The following RBFOX1 variants were observed in gnomAD, a reference collection of about 807,000 sequenced individuals.
RBFOX1 encodes the protein RNA binding fox-1 homolog 1.
In RBFOX1, 8 loss-of-function variants were observed where a neutral mutation model predicts 57.7. That is an observed-to-expected ratio of 0.14 (90% CI 0.08 to 0.25). RBFOX1 has a LOEUF of 0.25. Ranked by LOEUF, RBFOX1 falls within the 10% of genes least tolerant of loss-of-function variation. RBFOX1 has a pLI of 1.00. For missense variants in RBFOX1, 611 were observed against 548.5 expected (o/e 1.11, Z -1.14); for synonymous variants, 326 against 222.4 (o/e 1.47, Z -4.15).
intron 1 of RBFOX1, among the ~76,000 whole-genome samples, chr16:5,268,741 C>T (rs2062926061): frequency 6.6e-6 from 1 of 152,160 alleles, no homozygotes; most frequent in Admixed American, 6.6e-5. Context: ...TTAAAAGAGC[C>T]CAAGTTGGGC....
intron 3 of RBFOX1, among the ~76,000 whole-genome samples, chr16:6,735,461 G>A (rs1358359462): frequency 1.3e-5 from 2 of 152,128 alleles, no homozygotes; most frequent in African/African-American, 2.4e-5. Context: ...AGTGCCTGTC[G>A]GAGACTAAAT....
At chr16:5,789,090 C>T (rs1222781840) in intron 3 of RBFOX1, among the ~76,000 whole-genome samples, 1 of 152,146 alleles carries the variant, frequency 6.6e-6, no homozygotes, top group East Asian at 1.9e-4. Flanking sequence ...CCTCTCTCTC[C>T]CTCTTCCTCT....
At chr16:6,012,982 C>T (rs1313533722) in intron 4 of RBFOX1, among the ~76,000 whole-genome samples, 2 of 152,142 alleles carry the variant, frequency 1.3e-5, no homozygotes, top group Non-Finnish European at 2.9e-5. Flanking sequence ...GAATAGTTCA[C>T]ATATTTGGAG....
At chr16:7,667,287 T>C (rs2069665235) in intron 13 of RBFOX1, among the ~76,000 whole-genome samples, 1 of 152,214 alleles carries the variant, frequency 6.6e-6, no homozygotes, top group Admixed American at 6.5e-5. Flanking sequence ...CCTGTGCCAC[T>C]GCCCAGCTCA....
At chr16:7,267,603 G>A (rs999937129) in intron 4 of RBFOX1, among the ~76,000 whole-genome samples, 3 of 150,082 alleles carry the variant, frequency 2.0e-5, no homozygotes, top group Non-Finnish European at 3.0e-5. Context: ...GTCTGTAATC[G>A]TAGTACTTTG....
intron 1 of RBFOX1, among the ~76,000 whole-genome samples, chr16:5,422,814 AG>A (rs2067386225): frequency 9.3e-6 from 1 of 107,668 alleles, no homozygotes; most frequent in East Asian, 3.3e-4. Flanking sequence ...GAGGAGGAGG[AG>A]GGAGTGGGAG....
At chr16:5,282,047 G>A (rs1479358208) in intron 1 of RBFOX1, among the ~76,000 whole-genome samples, 1 of 152,204 alleles carries the variant, frequency 6.6e-6, no homozygotes, top group African/African-American at 2.4e-5. Context: ...TGTTGTGGGA[G>A]GGACCCAGTG....
chr16:5,996,656 G>A (rs1455790347), intron 4 of RBFOX1, among the ~76,000 whole-genome samples: 1 of 152,094 alleles, frequency 6.6e-6, no homozygotes, highest in African/African-American at 2.4e-5. Flanking sequence ...ACCACCTTGG[G>A]GCTTGAAGGG....
intron 3 of RBFOX1, among the ~76,000 whole-genome samples, chr16:5,837,117 C>G (rs931747297): frequency 2.6e-5 from 4 of 152,106 alleles, no homozygotes; most frequent in African/African-American, 7.2e-5. Context: ...TTTCCCAACC[C>G]TCAGTCTCTC....
intron 1 of RBFOX1, among the ~76,000 whole-genome samples, chr16:6,190,997 C>T (rs535155704): frequency 2.6e-5 from 4 of 152,160 alleles, no homozygotes; most frequent in African/African-American, 9.6e-5. Flanking sequence ...CCAGCCTCTC[C>T]CGATTCTGTC....
chr16:5,477,732 G>A (rs187386585), intron 2 of RBFOX1, among the ~76,000 whole-genome samples: 12 of 152,216 alleles, frequency 7.9e-5, no homozygotes, highest in South Asian at 4.2e-4. Context: ...ATGTCAGGAC[G>A]AATTTCTGTT....
chr16:6,256,412 C>T (rs73531448), intron 1 of RBFOX1, among the ~76,000 whole-genome samples: 12,586 of 149,932 alleles, frequency 0.084, 1,237 homozygotes, highest in African/African-American at 0.23. Flanking sequence ...CCCAAGGTCA[C>T]CTGGAACCCC....
chr16:6,313,934 C>G (rs1370222953), intron 1 of RBFOX1, among the ~76,000 whole-genome samples: 1 of 152,086 alleles, frequency 6.6e-6, no homozygotes, highest in Non-Finnish European at 1.5e-5. Flanking sequence ...CGCTTTATAA[C>G]AATGGTTCTC....
chr16:6,903,830 G>A (rs1044017862), intron 3 of RBFOX1, among the ~76,000 whole-genome samples: 5 of 152,216 alleles, frequency 3.3e-5, no homozygotes, highest in South Asian at 4.1e-4. Context: ...CCCAACAGGC[G>A]GGCTGTAAAG....
chr16:6,310,690 T>C (rs760128982), intron 1 of RBFOX1, among the ~76,000 whole-genome samples: 2 of 152,118 alleles, frequency 1.3e-5, no homozygotes, highest in Non-Finnish European at 2.9e-5. Context: ...GTACTGTCAC[T>C]CATGAATATG....
At chr16:5,917,255 A>C (rs2058724795) in intron 4 of RBFOX1, among the ~76,000 whole-genome samples, 1 of 152,170 alleles carries the variant, frequency 6.6e-6, no homozygotes, top group African/African-American at 2.4e-5. Context: ...AGTGTTTTAA[A>C]ACATGCCCAT....
intron 1 of RBFOX1, among the ~76,000 whole-genome samples, chr16:6,195,112 G>A (rs2097171272): frequency 6.6e-6 from 1 of 152,176 alleles, no homozygotes; most frequent in Non-Finnish European, 1.5e-5. Flanking sequence ...AAATGCTGAT[G>A]TAAAATACCC....
intron 1 of RBFOX1, among the ~76,000 whole-genome samples, chr16:6,188,316 TA>T (rs1302449489): frequency 4.7e-5 from 7 of 150,152 alleles, no homozygotes; most frequent in African/African-American, 1.7e-4. Flanking sequence ...CAATTTTTTC[TA>T]AGTTTTTACC....
intron 3 of RBFOX1, among the ~76,000 whole-genome samples, chr16:6,793,099 C>T (rs1056395080): frequency 2.0e-5 from 3 of 151,618 alleles, no homozygotes; most frequent in South Asian, 2.1e-4. Flanking sequence ...TGCCAGATTG[C>T]ACAAAAGTTC....
Sources: allele counts gnomAD v4.1 joint callset (sites outside exome capture counted in the v4.1 genomes callset), GRCh38; gene constraint gnomAD v4.1.1; transcripts MANE v1.5; gene names NCBI Gene and HGNC (gene_info 2026-07-23, HGNC 2026-07-21).